C20orf203: variants seen among roughly 807,000 people sequenced by gnomAD.
The protein encoded by C20orf203 is chromosome 20 open reading frame 203.
A neutral mutation model predicts 15.9 loss-of-function variants in C20orf203; 16 were observed. The ratio of observed to expected loss-of-function variants is 1.01; its 90% CI spans 0.68 to 1.53. The LOEUF is 1.53. Ranked by LOEUF, C20orf203 falls within the 40% of genes most tolerant of loss-of-function variation. The pLI is 0.00. For missense variants in C20orf203, 263 were observed against 247.5 expected (o/e 1.06, Z -0.42); for synonymous variants, 98 against 97.2 (o/e 1.01, Z -0.05).
intron 4 of C20orf203, among the ~76,000 whole-genome samples, chr20:32,648,655 T>C (rs747658609): frequency 4.1e-4 from 60 of 147,706 alleles, no homozygotes; most frequent in Non-Finnish European, 7.9e-4. Context: ...GGTTTCACCA[T>C]GTTAGCCAGG....
rs186342953 is a variant in C20orf203 at position 32,666,534 on chromosome 20, C to T, written c.-264+7098G>A. Among the ~76,000 whole-genome samples the T allele has an allele frequency of 7.4e-3, 1,112 of 150,646 alleles. 9 individuals carry two copies. The highest frequency in any genetic ancestry group is 0.012 in the Non-Finnish European group (802 of 67,730). The stretch of plus-strand genomic sequence containing the variant: ...ATCCCAGCACTTTGGGAGGCTGAGG[C>T]GGGCAGATCACTAGGTCAGGAGATC... On this transcript the variant is annotated intron_variant, in intron 1 of 5. Transcript: ENST00000608990.
intron 1 of C20orf203, among the ~76,000 whole-genome samples, chr20:32,672,365 T>A (rs1983193337): frequency 6.7e-6 from 1 of 150,354 alleles, no homozygotes; most frequent in Non-Finnish European, 1.5e-5. Context: ...ATAAAATAAA[T>A]ACACACACAT....
chr20:32,644,874 A>G (rs1274395948), intron 4 of C20orf203, among the ~76,000 whole-genome samples: 4 of 151,574 alleles, frequency 2.6e-5, no homozygotes, highest in African/African-American at 9.7e-5. Flanking sequence ...TTCTGATAAT[A>G]ATCCCTCTTC....
chr20:32,655,388 A>G (rs1241370759), intron 1 of C20orf203, among the ~76,000 whole-genome samples: 1 of 152,194 alleles, frequency 6.6e-6, no homozygotes, highest in African/African-American at 2.4e-5. Context: ...GTGAAAAGAC[A>G]ACCCACAGGA....
At chr20:32,666,155 TAAAAAAAAAA>T (rs147487671) in intron 1 of C20orf203, among the ~76,000 whole-genome samples, 2 of 102,756 alleles carry the variant, frequency 1.9e-5, no homozygotes, top group Non-Finnish European at 3.7e-5. Flanking sequence ...ATAAATAAAG[TAAAAAAAAAA>T]AAAAAAAAAA....
At chr20:32,652,417 G>A (rs6087960) in intron 1 of C20orf203, among the ~76,000 whole-genome samples, 13,034 of 151,526 alleles carry the variant, frequency 0.086, 775 homozygotes, top group East Asian at 0.22. Context: ...GAGACTCTTG[G>A]GATGGCGGGG....
chr20:32,650,579 C>A lies in C20orf203; in HGVS notation c.438G>T (p.Gly146=). 1.9e-6 allele frequency: 3 copies of A among 1,548,532 alleles called. No individual in the cohort carries two copies. Among genetic ancestry groups the A allele is most frequent in the South Asian group, 1.2e-5 (1 of 84,020 alleles). The change falls in exon 4 of 6, where the codon GGG becomes GGT. Residue 146 remains glycine (G), a synonymous_variant. Transcript: ENST00000608990. ...MGGMPRMGTV[G]DFGQALSSLA... ...GCGAGGACAGAGCTTGGCCAAAGTC[C>A]CCCACCGTGCCCATTCTGGGCATCC...
At chr20:32,662,821 C>T (rs1007115038) in intron 1 of C20orf203, among the ~76,000 whole-genome samples, 4 of 147,622 alleles carry the variant, frequency 2.7e-5, no homozygotes, top group Admixed American at 1.4e-4. Context: ...AGTTCAAGGC[C>T]GCACTGAGCT....
At chr20:32,664,216 G>A (rs1369532286) in intron 1 of C20orf203, among the ~76,000 whole-genome samples, 2 of 152,186 alleles carry the variant, frequency 1.3e-5, no homozygotes, top group Non-Finnish European at 2.9e-5. Context: ...CTGCGCCTTA[G>A]GGAAGCCAAC....
intron 1 of C20orf203, among the ~76,000 whole-genome samples, chr20:32,656,118 T>C (rs955539875): frequency 5.3e-5 from 8 of 152,238 alleles, no homozygotes; most frequent in African/African-American, 1.7e-4. Flanking sequence ...GCTGGTGCCA[T>C]GTGTCCTGTA....
At chr20:32,644,176 C>T (rs1023704057) in intron 4 of C20orf203, among the ~76,000 whole-genome samples, 9 of 152,168 alleles carry the variant, frequency 5.9e-5, no homozygotes, top group African/African-American at 1.4e-4. Flanking sequence ...AGCCAGGCAC[C>T]GTGGCTTACG....
At chr20:32,660,722 TC>T (rs1444294536) in intron 1 of C20orf203, among the ~76,000 whole-genome samples, 1 of 152,044 alleles carries the variant, frequency 6.6e-6, no homozygotes, top group Non-Finnish European at 1.5e-5. Flanking sequence ...AGGACATACC[TC>T]AGACTGGGTA....
intron 4 of C20orf203, among the ~76,000 whole-genome samples, chr20:32,647,631 G>A (rs767340746): frequency 3.9e-5 from 6 of 152,164 alleles, no homozygotes; most frequent in Non-Finnish European, 7.4e-5. Context: ...CTTGAGCCCA[G>A]GAGATTGAGG....
At chr20:32,638,896 G>A (rs2145661291) in intron 5 of C20orf203, among the ~76,000 whole-genome samples, 1 of 152,358 alleles carries the variant, frequency 6.6e-6, no homozygotes, top group East Asian at 1.9e-4. Flanking sequence ...CTCACCTGGT[G>A]ATACCAAGTG....
At chr20:32,644,474 C>T (rs116796320) in intron 4 of C20orf203, among the ~76,000 whole-genome samples, 3,339 of 152,076 alleles carry the variant, frequency 0.022, 138 homozygotes, top group African/African-American at 0.078. Flanking sequence ...CAAAACAAAA[C>T]AAAACACAAA....
chr20:32,658,852 G>A (rs1982823688), intron 1 of C20orf203, among the ~76,000 whole-genome samples: 3 of 151,546 alleles, frequency 2.0e-5, no homozygotes, highest in Admixed American at 6.6e-5. Flanking sequence ...ACCCCACTGC[G>A]GCTTCCCAGA....
intron 1 of C20orf203, among the ~76,000 whole-genome samples, chr20:32,673,011 T>C (rs1282123196): frequency 6.6e-6 from 1 of 151,850 alleles, no homozygotes; most frequent in East Asian, 1.9e-4. Context: ...ACTGGCAGGA[T>C]CTAGGGGCTG....
At position 32,651,126 on chromosome 20, in the gene C20orf203, G is replaced by C; in HGVS notation, c.27C>G (p.Ser9=). The change falls in exon 3 of 6, where the codon TCC becomes TCG. Residue 9 remains serine (S), a synonymous_variant. Transcript: ENST00000608990. ...GAGGCAGGAGAATCGCTTGAGCCCG[G>C]GAGTTCAAGACAGGCCTAGGAAACA... MFPRPVLN[S]RAQAILLPQP... The C allele has an allele frequency of 8.7e-7, 1 of 1,144,854 alleles. No homozygotes were observed. The highest frequency in any genetic ancestry group is 1.2e-6 in the Non-Finnish European group (1 of 810,734). The allele number at this position is 1,144,854 out of a possible 1,614,324, so 70.9% of individuals were successfully genotyped here.
intron 5 of C20orf203, among the ~76,000 whole-genome samples, chr20:32,639,625 A>G (rs1454800169): frequency 2.2e-5 from 2 of 91,358 alleles, no homozygotes; most frequent in Non-Finnish European, 5.2e-5. Flanking sequence ...TTTTTTAAAT[A>G]GTAAAAAAAA....
Sources: gnomAD v4.1 joint callset for allele counts (sites outside exome capture counted in the v4.1 genomes callset) on GRCh38, gnomAD v4.1.1 for gene constraint, MANE v1.5 for transcripts, NCBI Gene and HGNC (gene_info 2026-07-23, HGNC 2026-07-21) for gene names.